NELL2: variants seen among roughly 807,000 people sequenced by gnomAD.
NELL2 encodes neural EGFL like 2.
Under a neutral mutation model 109.6 loss-of-function variants are expected in NELL2, and 41 were observed. That is an observed-to-expected ratio of 0.37 (90% CI 0.29 to 0.49). The LOEUF (loss-of-function observed/expected upper bound fraction) is 0.49. Among genes scored for constraint, NELL2 ranks in the 20% least tolerant of loss-of-function variants. NELL2 has a pLI of 0.98. For synonymous variants in NELL2, 355 were observed against 344.7 expected (o/e 1.03, Z -0.33); for missense variants, 900 against 1,008.3 (o/e 0.89, Z 1.45).
chr12:44,783,003 C>A (rs1057107119), intron 3 of NELL2, among the ~76,000 whole-genome samples: 6 of 151,818 alleles, frequency 4.0e-5, no homozygotes, highest in African/African-American at 1.4e-4. Flanking sequence ...ATAAAATAAA[C>A]CTCAACAAAA....
intron 2 of NELL2, among the ~76,000 whole-genome samples, chr12:44,831,153 T>G (rs556657262): frequency 2.2e-4 from 34 of 152,080 alleles, no homozygotes; most frequent in Non-Finnish European, 4.3e-4. Context: ...ATATTACCCC[T>G]GTATAAAATA....
At chr12:44,575,978 A>G (rs1944063998) in intron 15 of NELL2, among the ~76,000 whole-genome samples, 1 of 152,180 alleles carries the variant, frequency 6.6e-6, no homozygotes, top group South Asian at 2.1e-4. Context: ...CTAAAACCTC[A>G]TAATATACCA....
rs759023727 is a variant in NELL2, at chr12:44,779,652, C to A, written c.606+11G>T. The A allele has an allele frequency of 6.2e-7, 1 of 1,606,474 alleles. No individual in the cohort carries two copies. The highest frequency in any genetic ancestry group is 8.5e-7 in the Non-Finnish European group (1 of 1,174,100). Reference sequence around the variant, plus strand: ...TTTACATTTCATTCTCAGACTTTTGCCAAAAGATACCTTAAAATATCCATG... The same window carrying A: ...TTTACATTTCATTCTCAGACTTTTGACAAAAGATACCTTAAAATATCCATG... On this transcript the variant is annotated intron_variant, in intron 5 of 19. Transcript: ENST00000429094.
intron 12 of NELL2, among the ~76,000 whole-genome samples, chr12:44,682,770 T>G (rs1948566358): frequency 6.6e-6 from 1 of 152,220 alleles, no homozygotes; most frequent in Admixed American, 6.5e-5. Context: ...TCCGTTCCAT[T>G]GATCTATATC....
At position 44,656,936 on chromosome 12, in the gene NELL2, C is replaced by T. The variant is rs1228044369; in HGVS notation, c.1444+8548G>A. 6.6e-5 allele frequency among the ~76,000 whole-genome samples: 10 copies of T among 152,320 alleles called. No individual in the cohort carries two copies. The South Asian group carries it at 1.2e-3, about 19-fold the overall frequency. On this transcript the variant is annotated intron_variant, in intron 13 of 19. Transcript: ENST00000429094. The stretch of plus-strand genomic sequence containing the variant: ...TGGGGAAGAAGAATAAAAACAATAA[C>T]ATTGCTGCCTTTTCAACATATCGTT...
intron 9 of NELL2, among the ~76,000 whole-genome samples, chr12:44,731,077 A>C (rs1428692680): frequency 2.0e-5 from 3 of 152,162 alleles, no homozygotes; most frequent in African/African-American, 7.2e-5. Context: ...GAATCATTAG[A>C]TAACTGGTAA....
At chr12:44,780,987 G>C (rs1941937595) in intron 3 of NELL2, among the ~76,000 whole-genome samples, 1 of 151,938 alleles carries the variant, frequency 6.6e-6, no homozygotes, top group Admixed American at 6.6e-5. Flanking sequence ...AACATGTCCA[G>C]GTTTCAGTAA....
chr12:44,657,993 C>T (rs978750678), intron 13 of NELL2, among the ~76,000 whole-genome samples: 2 of 151,972 alleles, frequency 1.3e-5, no homozygotes, highest in South Asian at 2.1e-4. Flanking sequence ...GGGTATATAC[C>T]CAAAAATGGG....
intron 3 of NELL2, among the ~76,000 whole-genome samples, chr12:44,813,242 A>AT (rs1943236786): frequency 6.6e-6 from 1 of 152,224 alleles, no homozygotes; most frequent in Non-Finnish European, 1.5e-5. Flanking sequence ...CATGTAATGC[A>AT]TGGAGCACAG....
At chr12:44,627,374 T>C (rs1946302510) in intron 13 of NELL2, among the ~76,000 whole-genome samples, 1 of 151,704 alleles carries the variant, frequency 6.6e-6, no homozygotes, top group African/African-American at 2.4e-5. Context: ...ATCAAGAATC[T>C]ATTCTCATTG....
chr12:44,812,623 A>T (rs571061614), intron 3 of NELL2, among the ~76,000 whole-genome samples: 1 of 152,284 alleles, frequency 6.6e-6, no homozygotes, highest in African/African-American at 2.4e-5. Context: ...AACTAAATAG[A>T]TGAGTGAGGA....
rs1385713650 is a variant in NELL2, at chr12:44,660,328, C to T, written c.1444+5156G>A. On this transcript the variant is annotated intron_variant, in intron 13 of 19. Transcript: ENST00000429094. ...ATCTTTTTGGAGGATGAGGACCTAG[C>T]GTCCTGTGCCAGATATCTTGTAAAG... Among the ~76,000 whole-genome samples the T allele has an allele frequency of 5.3e-5, 8 of 152,182 alleles. No homozygotes were observed. In the South Asian group the frequency reaches 8.3e-4, roughly 16 times the overall value.
intron 2 of NELL2, among the ~76,000 whole-genome samples, chr12:44,823,077 C>T (rs182442623): frequency 6.1e-4 from 93 of 152,082 alleles, no homozygotes; most frequent in Non-Finnish European, 9.9e-4. Context: ...AGTTGGAATT[C>T]CTTTCTTCTT....
intron 2 of NELL2, among the ~76,000 whole-genome samples, chr12:44,871,385 C>T (rs1436820380): frequency 6.6e-6 from 1 of 152,180 alleles, no homozygotes; most frequent in East Asian, 1.9e-4. Context: ...ATGTGCCTAA[C>T]ACCTAGCAGT....
intron 9 of NELL2, among the ~76,000 whole-genome samples, chr12:44,772,682 T>G (rs1018056258): frequency 1.3e-5 from 2 of 152,180 alleles, no homozygotes; most frequent in African/African-American, 4.8e-5. Flanking sequence ...ACCCTCTCTA[T>G]TCCTCTCTAT....
intron 9 of NELL2, among the ~76,000 whole-genome samples, chr12:44,749,287 A>T (rs1317266269): frequency 6.6e-6 from 1 of 152,200 alleles, no homozygotes; most frequent in Non-Finnish European, 1.5e-5. Context: ...TCAGCTTTTT[A>T]AAAAATTACT....
intron 13 of NELL2, among the ~76,000 whole-genome samples, chr12:44,625,264 T>C (rs1271001754): frequency 6.6e-6 from 1 of 151,928 alleles, no homozygotes; most frequent in Non-Finnish European, 1.5e-5. Context: ...CCTTTGCTTC[T>C]AGGTGATGAC....
intron 2 of NELL2, among the ~76,000 whole-genome samples, chr12:44,869,708 A>G (rs1442029557): frequency 2.6e-5 from 4 of 152,184 alleles, no homozygotes; most frequent in African/African-American, 9.6e-5. Context: ...AGAGCCCTCA[A>G]TGTAACTGAA....
intron 13 of NELL2, among the ~76,000 whole-genome samples, chr12:44,628,131 TTAAG>T (rs145468360): frequency 0.038 from 5,811 of 152,238 alleles, 364 homozygotes; most frequent in African/African-American, 0.13. Context: ...AATATGTAAT[TTAAG>T]TACATCGTAT....
Sources: allele counts gnomAD v4.1 joint callset (sites outside exome capture counted in the v4.1 genomes callset), GRCh38; gene constraint gnomAD v4.1.1; transcripts MANE v1.5; gene names NCBI Gene and HGNC (gene_info 2026-07-23, HGNC 2026-07-21).